DPP10: variants seen among roughly 807,000 people sequenced by gnomAD.
DPP10 encodes dipeptidyl peptidase like 10.
Under a neutral mutation model 120.9 loss-of-function variants are expected in DPP10, and 33 were observed. The observed-to-expected ratio is 0.27, with a 90% CI of 0.21 to 0.37. The LOEUF is 0.37. Ranked by LOEUF, DPP10 falls within the 10% of genes least tolerant of loss-of-function variation. The pLI is 1.00. For synonymous variants in DPP10, 337 were observed against 326.1 expected (o/e 1.03, Z -0.36); for missense variants, 816 against 942.8 (o/e 0.87, Z 1.76).
At chr2:115,432,488 T>C (rs895442216) in intron 3 of DPP10, among the ~76,000 whole-genome samples, 1 of 152,000 alleles carries the variant, frequency 6.6e-6, no homozygotes, top group African/African-American at 2.4e-5. Context: ...AGTTTTCTCA[T>C]CTGTGACATT....
chr2:115,336,896 T>C (rs2063173818), intron 2 of DPP10, among the ~76,000 whole-genome samples: 1 of 152,006 alleles, frequency 6.6e-6, no homozygotes, highest in South Asian at 2.1e-4. Context: ...ATATCCAGGT[T>C]TCTCTGTTTG....
chr2:115,285,304 G>T (rs2060320417), intron 1 of DPP10, among the ~76,000 whole-genome samples: 1 of 151,922 alleles, frequency 6.6e-6, no homozygotes, highest in South Asian at 2.1e-4. Context: ...TATTTCATAA[G>T]CTTAAAGATG....
intron 1 of DPP10, among the ~76,000 whole-genome samples, chr2:115,163,513 T>C (rs1043056839): frequency 6.6e-6 from 1 of 152,164 alleles, no homozygotes; most frequent in African/African-American, 2.4e-5. Flanking sequence ...AGTATGAAAA[T>C]ATTAAAACAT....
intron 1 of DPP10, among the ~76,000 whole-genome samples, chr2:114,520,011 A>T (rs1010277007): frequency 6.6e-6 from 1 of 152,216 alleles, no homozygotes; most frequent in Non-Finnish European, 1.5e-5. Flanking sequence ...AACAACCAAG[A>T]AAAAAGAAAA....
At chr2:115,770,264 T>C (rs576162530) in intron 13 of DPP10, among the ~76,000 whole-genome samples, 2 of 152,200 alleles carry the variant, frequency 1.3e-5, no homozygotes, top group East Asian at 3.9e-4. Flanking sequence ...AAGAATTTTT[T>C]TATAAGCCTA....
chr2:114,961,452 T>G (rs1574580338), intron 1 of DPP10, among the ~76,000 whole-genome samples: 1 of 147,764 alleles, frequency 6.8e-6, no homozygotes, highest in Non-Finnish European at 1.5e-5. Context: ...TGAATGCGTG[T>G]GTGTGTGTGT....
chr2:115,451,826 A>C (rs2104974704), intron 3 of DPP10, among the ~76,000 whole-genome samples: 1 of 152,076 alleles, frequency 6.6e-6, no homozygotes, highest in Admixed American at 6.6e-5. Context: ...AATAAATGTA[A>C]GTTTTTTGAA....
At chr2:115,309,451 G>A in intron 2 of DPP10, 98 bp downstream of exon 2, 1 of 1,145,290 alleles carries the variant, frequency 8.7e-7, no homozygotes, top group South Asian at 1.5e-5. Context: ...GGTATCTTAG[G>A]GCACATTAGC....
chr2:114,638,306 A>G (rs959073237), intron 1 of DPP10, among the ~76,000 whole-genome samples: 2 of 151,956 alleles, frequency 1.3e-5, no homozygotes, highest in South Asian at 2.1e-4. Flanking sequence ...AAGAAATGCT[A>G]CTGATTTCTG....
chr2:115,706,973 G>T (rs73946600), intron 7 of DPP10, among the ~76,000 whole-genome samples: 2,107 of 151,956 alleles, frequency 0.014, 56 homozygotes, highest in African/African-American at 0.048. Flanking sequence ...AACAACCAAA[G>T]AAATGAAAAT....
intron 1 of DPP10, among the ~76,000 whole-genome samples, chr2:114,931,283 C>T (rs1465434763): frequency 6.6e-6 from 1 of 151,972 alleles, no homozygotes; most frequent in African/African-American, 2.4e-5. Context: ...TACATTGTTC[C>T]ACTGATTGTG....
intron 21 of DPP10, among the ~76,000 whole-genome samples, chr2:115,821,574 C>T (rs940345764): frequency 2.0e-5 from 3 of 152,000 alleles, no homozygotes; most frequent in East Asian, 1.9e-4. Flanking sequence ...ATTTAAATTT[C>T]TTCTAATTAC....
At chr2:115,789,362 A>T (rs899164630) in intron 17 of DPP10, among the ~76,000 whole-genome samples, 1 of 152,236 alleles carries the variant, frequency 6.6e-6, no homozygotes, top group Non-Finnish European at 1.5e-5. Flanking sequence ...AATTCACCGT[A>T]TTACACTGAC....
At chr2:115,241,221 A>T (rs558160687) in intron 1 of DPP10, among the ~76,000 whole-genome samples, 16 of 152,334 alleles carry the variant, frequency 1.1e-4, no homozygotes, top group Admixed American at 1.0e-3. Flanking sequence ...GTGAGCTGAG[A>T]TCGTGCTACT....
intron 1 of DPP10, among the ~76,000 whole-genome samples, chr2:114,535,632 T>C (rs1326774167): frequency 6.6e-6 from 1 of 152,190 alleles, no homozygotes. Context: ...TGATTTCACC[T>C]CCTGAATATC....
intron 5 of DPP10, among the ~76,000 whole-genome samples, chr2:115,668,150 C>CT (rs781226190): frequency 2.0e-4 from 31 of 151,780 alleles, no homozygotes; most frequent in Admixed American, 7.2e-4. Flanking sequence ...CAGAAATTAC[C>CT]TTTTTTTTGG....
intron 13 of DPP10, among the ~76,000 whole-genome samples, chr2:115,775,195 G>T (rs1369416170): frequency 6.6e-6 from 1 of 151,312 alleles, no homozygotes; most frequent in Admixed American, 6.6e-5. Context: ...AGAAAAGGAA[G>T]AGAATAAATT....
intron 3 of DPP10, among the ~76,000 whole-genome samples, chr2:115,431,216 G>A (rs1014914932): frequency 6.6e-6 from 1 of 152,208 alleles, no homozygotes; most frequent in African/African-American, 2.4e-5. Flanking sequence ...ATTGAAAACA[G>A]TCATGAGAGG....
At chr2:114,869,123 T>G (rs530709360) in intron 1 of DPP10, among the ~76,000 whole-genome samples, 2 of 152,166 alleles carry the variant, frequency 1.3e-5, no homozygotes, top group Non-Finnish European at 2.9e-5. Context: ...AGAGCAACAC[T>G]GTACTTTATT....
Sources: allele counts gnomAD v4.1 joint callset (sites outside exome capture counted in the v4.1 genomes callset), GRCh38; gene constraint gnomAD v4.1.1; transcripts MANE v1.5; gene names NCBI Gene and HGNC (gene_info 2026-07-23, HGNC 2026-07-21).